Variants in WASF2 observed in about 807,000 individuals in gnomAD.
WASF2 encodes actin-binding protein WASF2.
WASF2 carries 14 observed loss-of-function variants against 45.0 expected under a neutral mutation model. The ratio of observed to expected loss-of-function variants is 0.31; its 90% CI spans 0.21 to 0.49. WASF2 has a LOEUF of 0.49. Among genes scored for constraint, WASF2 ranks in the 20% least tolerant of loss-of-function variants. WASF2 has a pLI of 0.99. For missense variants in WASF2, 439 were observed against 636.1 expected (o/e 0.69, Z 3.33); for synonymous variants, 200 against 236.3 (o/e 0.85, Z 1.41).
At chr1:27,451,903 A>G (rs1327005074) in intron 1 of WASF2, among the ~76,000 whole-genome samples, 1 of 152,234 alleles carries the variant, frequency 6.6e-6, no homozygotes, top group Non-Finnish European at 1.5e-5. Flanking sequence ...TTTAATTTAT[A>G]AATTAGGCAC....
At chr1:27,424,047 C>G (rs1270082543) in intron 2 of WASF2, among the ~76,000 whole-genome samples, 1 of 152,196 alleles carries the variant, frequency 6.6e-6, no homozygotes, top group African/African-American at 2.4e-5. Context: ...TGCGAAATGC[C>G]AATCTCACTA....
intron 1 of WASF2, among the ~76,000 whole-genome samples, chr1:27,459,804 T>C (rs576872571): frequency 6.6e-6 from 1 of 152,312 alleles, no homozygotes; most frequent in East Asian, 1.9e-4. Flanking sequence ...AGTGGATACA[T>C]ACTTGGTTAA....
intron 1 of WASF2, among the ~76,000 whole-genome samples, chr1:27,457,903 A>G (rs1022642758): frequency 1.3e-5 from 2 of 152,138 alleles, no homozygotes; most frequent in Non-Finnish European, 2.9e-5. Context: ...GGTTACAGGC[A>G]TAAGCCACCA....
At chr1:27,487,871 A>G (rs1369761174) in intron 1 of WASF2, among the ~76,000 whole-genome samples, 5 of 148,916 alleles carry the variant, frequency 3.4e-5, no homozygotes, top group Non-Finnish European at 7.4e-5. Context: ...TAAATAATTT[A>G]CTCAATAAAA....
intron 1 of WASF2, among the ~76,000 whole-genome samples, chr1:27,466,086 G>A (rs1251166384): frequency 6.6e-6 from 1 of 152,160 alleles, no homozygotes; most frequent in Non-Finnish European, 1.5e-5. Flanking sequence ...GTCCTCTCTG[G>A]AGTATATCTG....
chr1:27,488,906 T>C (rs1049328502), intron 1 of WASF2, among the ~76,000 whole-genome samples: 1 of 152,170 alleles, frequency 6.6e-6, no homozygotes, highest in African/African-American at 2.4e-5. Flanking sequence ...TCAGTTTCCT[T>C]ATGTGTAAAT....
intron 1 of WASF2, among the ~76,000 whole-genome samples, chr1:27,448,058 AC>A (rs1468791649): frequency 6.6e-6 from 1 of 152,102 alleles, no homozygotes; most frequent in African/African-American, 2.4e-5. Context: ...TGGCTCACAC[AC>A]CCCGCGGGAG....
chr1:27,451,182 TCA>T (rs1162544408), intron 1 of WASF2, among the ~76,000 whole-genome samples: 4 of 152,180 alleles, frequency 2.6e-5, no homozygotes, highest in Non-Finnish European at 5.9e-5. Flanking sequence ...TCCTCTGCCC[TCA>T]CAGAGCTTGC....
intron 2 of WASF2, among the ~76,000 whole-genome samples, chr1:27,426,613 C>T (rs1420328760): frequency 6.6e-6 from 1 of 151,604 alleles, no homozygotes; most frequent in African/African-American, 2.4e-5. Flanking sequence ...CGGATTCAAG[C>T]GATTCTCGTG....
At chr1:27,441,029 G>A (rs1174117149) in intron 1 of WASF2, among the ~76,000 whole-genome samples, 1 of 151,756 alleles carries the variant, frequency 6.6e-6, no homozygotes, top group African/African-American at 2.4e-5. Context: ...ACCACGCTCA[G>A]CTAATTTTTT....
At chr1:27,421,654 A>G (rs1356741757) in intron 2 of WASF2, among the ~76,000 whole-genome samples, 1 of 152,108 alleles carries the variant, frequency 6.6e-6, no homozygotes, top group African/African-American at 2.4e-5. Context: ...CATCTCTACT[A>G]ATAATACAAA....
chr1:27,425,247 C>G (rs372067735), intron 2 of WASF2, among the ~76,000 whole-genome samples: 185 of 152,294 alleles, frequency 1.2e-3, no homozygotes, highest in African/African-American at 4.3e-3. Flanking sequence ...CAGCACCACA[C>G]CTGGATAATT....
chr1:27,404,565 C>G lies in WASF2; in HGVS notation c.*3624G>C, dbSNP rs1340977121. On this transcript the variant is annotated 3_prime_UTR_variant, in exon 9 of 9. Transcript: ENST00000618852. ...AAACGGCATCCCTACTACACATATA[C>G]CCCCCTTCCCTAAAATCTTGATGTG... 1 of 152,152 alleles carries G rather than the reference C, an allele frequency of 6.6e-6. No homozygotes were observed. Among genetic ancestry groups the G allele is most frequent in the African/African-American group, 2.4e-5 (1 of 41,418 alleles). The allele number at this position is 152,152 out of a possible 1,614,324, so 9.4% of individuals were successfully genotyped here.
chr1:27,451,624 T>C (rs1040788030), intron 1 of WASF2, among the ~76,000 whole-genome samples: 1 of 152,082 alleles, frequency 6.6e-6, no homozygotes, highest in Admixed American at 6.5e-5. Flanking sequence ...ATGGAGAATG[T>C]ACTACATGAG....
intron 1 of WASF2, among the ~76,000 whole-genome samples, chr1:27,452,884 A>G (rs2017403657): frequency 6.6e-6 from 1 of 151,636 alleles, no homozygotes; most frequent in African/African-American, 2.4e-5. Context: ...CTCATGATAT[A>G]GCAAATGTCA....
intron 1 of WASF2, among the ~76,000 whole-genome samples, chr1:27,435,474 G>A (rs2017124744): frequency 6.6e-6 from 1 of 152,100 alleles, no homozygotes; most frequent in African/African-American, 2.4e-5. Flanking sequence ...TATAGTCTCA[G>A]CTACTTGGGA....
At chr1:27,411,807 T>C (rs777733155) in intron 7 of WASF2, among the ~76,000 whole-genome samples, 12 of 152,134 alleles carry the variant, frequency 7.9e-5, no homozygotes, top group Non-Finnish European at 1.6e-4. Flanking sequence ...AGCTTGCAGT[T>C]AGCCAAGATC....
At chr1:27,467,724 G>A (rs1172241622) in intron 1 of WASF2, among the ~76,000 whole-genome samples, 2 of 151,388 alleles carry the variant, frequency 1.3e-5, no homozygotes, top group African/African-American at 4.8e-5. Context: ...CAGCCTGGCT[G>A]ACACGGTGAG....
Position 27,489,254 on chromosome 1 carries a change from A to G in WASF2, c.-44+732T>C, listed in dbSNP as rs201784373. ...TCTGCAGACTATCCTGTACGCGCGC[A>G]CACACACACACACACACACACACAC... On this transcript the variant is annotated intron_variant, in intron 1 of 8. Coordinates refer to ENST00000618852, the MANE Select transcript of WASF2 (RefSeq NM_006990.5). 6.8e-3 allele frequency among the ~76,000 whole-genome samples: 384 copies of G among 56,566 alleles called. 5 individuals are homozygous for G. Among genetic ancestry groups the G allele is most frequent in the South Asian group, 0.018 (27 of 1,506 alleles). The allele number at this position is 56,566 out of a possible 152,430, so 37.1% of individuals were successfully genotyped here. A position where few individuals can be genotyped will look rare whatever the true frequency, so the allele number is the denominator to read the frequency against.
Sources: allele counts gnomAD v4.1 joint callset (sites outside exome capture counted in the v4.1 genomes callset), GRCh38; gene constraint gnomAD v4.1.1; transcripts MANE v1.5; gene names NCBI Gene and HGNC (gene_info 2026-07-23, HGNC 2026-07-21).